Variants in TUSC3 observed in about 807,000 individuals in gnomAD.
TUSC3 encodes the protein dolichyl-diphosphooligosaccharide--protein glycosyltransferase subunit TUSC3.
A neutral mutation model predicts 44.8 loss-of-function variants in TUSC3; 45 were observed. The observed-to-expected ratio is 1.00, with a 90% CI of 0.79 to 1.29. The LOEUF (loss-of-function observed/expected upper bound fraction) is 1.29. Among genes scored for constraint, TUSC3 ranks in the 50% most tolerant of loss-of-function variants. TUSC3 has a pLI of 0.00. For synonymous variants in TUSC3, 212 were observed against 152.9 expected (o/e 1.39, Z -2.85); for missense variants, 519 against 437.9 (o/e 1.19, Z -1.65).
At chr8:15,779,947 TC>T in the TUSC3 span, among the ~76,000 whole-genome samples, 1 of 152,212 alleles carries the variant, frequency 6.6e-6, no homozygotes, top group African/African-American at 2.4e-5. Context: ...GAGCGGTCTT[TC>T]TCACCATTTA....
chr8:15,721,535 T>C (rs1810304965), intron 6 of TUSC3, among the ~76,000 whole-genome samples: 1 of 152,092 alleles, frequency 6.6e-6, no homozygotes, highest in South Asian at 2.1e-4. Context: ...AATTACAGCA[T>C]AGATTTATGT....
intron 2 of TUSC3, among the ~76,000 whole-genome samples, chr8:15,519,384 A>C (rs1199281653): frequency 1.3e-5 from 2 of 152,108 alleles, no homozygotes; most frequent in African/African-American, 2.4e-5. Flanking sequence ...CAACAAGCTT[A>C]TTACTCATAA....
chr8:15,757,882 T>G, intron 10 of TUSC3, 27 bp downstream of exon 10: 1 of 1,405,190 alleles, frequency 7.1e-7, no homozygotes, highest in East Asian at 2.3e-5. Context: ...TCTCTGAGCC[T>G]CAGTTTTCCT....
chr8:15,612,221 C>G (rs1804793984), intron 1 of TUSC3, among the ~76,000 whole-genome samples: 1 of 152,116 alleles, frequency 6.6e-6, no homozygotes, highest in Admixed American at 6.5e-5. Flanking sequence ...GTATATGTGA[C>G]TGGTAAACAA....
the TUSC3 span, among the ~76,000 whole-genome samples, chr8:15,846,115 A>G: frequency 2.6e-5 from 4 of 152,174 alleles, no homozygotes; most frequent in African/African-American, 9.6e-5. Flanking sequence ...CCTCCCCCTG[A>G]GTCCCTCCCA....
intron 2 of TUSC3, among the ~76,000 whole-genome samples, chr8:15,486,411 T>C (rs1012639654): frequency 6.6e-6 from 1 of 152,150 alleles, no homozygotes; most frequent in Admixed American, 6.5e-5. Context: ...GGTTTGATCA[T>C]TCTATAATTC....
intron 6 of TUSC3, among the ~76,000 whole-genome samples, chr8:15,720,702 T>A (rs1284502971): frequency 1.3e-5 from 2 of 152,104 alleles, no homozygotes; most frequent in Non-Finnish European, 2.9e-5. Flanking sequence ...GGAAATGTCA[T>A]TCTTGAGACC....
intron 1 of TUSC3, among the ~76,000 whole-genome samples, chr8:15,434,530 C>CT (rs59579003): frequency 7.4e-4 from 100 of 135,674 alleles, no homozygotes; most frequent in African/African-American, 2.0e-3. Flanking sequence ...AAAGCCATTC[C>CT]TTTTTTTTTT....
At chr8:15,781,871 G>A in the TUSC3 span, among the ~76,000 whole-genome samples, 1 of 152,184 alleles carries the variant, frequency 6.6e-6, no homozygotes, top group African/African-American at 2.4e-5. Flanking sequence ...GGTGGCTCAT[G>A]TCTGTAATCC....
intron 1 of TUSC3, among the ~76,000 whole-genome samples, chr8:15,583,880 A>T (rs776627703): frequency 5.9e-5 from 9 of 152,240 alleles, no homozygotes; most frequent in Non-Finnish European, 1.3e-4. Flanking sequence ...TCTTAAAATG[A>T]GGATGTAGTT....
At chr8:15,524,875 A>C (rs934000481) in intron 2 of TUSC3, among the ~76,000 whole-genome samples, 1 of 152,228 alleles carries the variant, frequency 6.6e-6, no homozygotes, top group African/African-American at 2.4e-5. Context: ...GCAAAAATGT[A>C]AAACACTGTC....
the TUSC3 span, among the ~76,000 whole-genome samples, chr8:15,830,891 C>T: frequency 6.6e-6 from 1 of 152,128 alleles, no homozygotes; most frequent in African/African-American, 2.4e-5. Flanking sequence ...GTGCATGTAC[C>T]ACCTCAATTT....
the TUSC3 span, among the ~76,000 whole-genome samples, chr8:15,835,858 A>C: frequency 1.0e-4 from 3 of 29,752 alleles, no homozygotes; most frequent in Admixed American, 2.6e-4. Context: ...GGACTGAAAG[A>C]ATTATAATTT....
chr8:15,723,372 A>C (rs553404609), intron 6 of TUSC3, among the ~76,000 whole-genome samples: 78 of 152,258 alleles, frequency 5.1e-4, no homozygotes, highest in Admixed American at 4.2e-3. Context: ...TGTTTTCATA[A>C]AGAACTGTTT....
At chr8:15,767,539 G>A (rs1034593709), downstream of TUSC3, among the ~76,000 whole-genome samples, 3 of 151,054 alleles carry the variant, frequency 2.0e-5, no homozygotes, top group African/African-American at 7.3e-5. Context: ...AATTAAAAAA[G>A]CAACTGAAAC....
intron 6 of TUSC3, among the ~76,000 whole-genome samples, chr8:15,693,822 C>T (rs184921479): frequency 1.3e-5 from 2 of 152,160 alleles, no homozygotes; most frequent in East Asian, 3.9e-4. Context: ...CCATATTTTA[C>T]ATAGGTTCTG....
At chr8:15,635,052 T>C (rs1806002710) in intron 2 of TUSC3, among the ~76,000 whole-genome samples, 1 of 151,896 alleles carries the variant, frequency 6.6e-6, no homozygotes, top group South Asian at 2.1e-4. Flanking sequence ...CTGAATTTCC[T>C]AAGCCTTTTT....
chr8:15,547,876 G>T (rs973008812), intron 1 of TUSC3, among the ~76,000 whole-genome samples: 3 of 151,114 alleles, frequency 2.0e-5, no homozygotes, highest in Non-Finnish European at 4.4e-5. Flanking sequence ...TATCAAACTT[G>T]GTAGGTATCT....
At chr8:15,662,693 T>C (rs971485718) in intron 5 of TUSC3, among the ~76,000 whole-genome samples, 1 of 151,960 alleles carries the variant, frequency 6.6e-6, no homozygotes, top group Non-Finnish European at 1.5e-5. Context: ...GTGACTGATA[T>C]ATGTTAGATA....
Sources: gnomAD v4.1 joint callset for allele counts (sites outside exome capture counted in the v4.1 genomes callset) on GRCh38, gnomAD v4.1.1 for gene constraint, MANE v1.5 for transcripts, NCBI Gene and HGNC (gene_info 2026-07-23, HGNC 2026-07-21) for gene names.